The following GPATCH2 variants were observed in gnomAD, a reference collection of about 807,000 sequenced individuals.
GPATCH2 encodes G-patch domain containing 2, also known as G patch domain-containing protein 2.
GPATCH2 carries 51 observed loss-of-function variants against 58.0 expected under a neutral mutation model. The ratio of observed to expected loss-of-function variants is 0.88; its 90% confidence interval spans 0.70 to 1.11. The LOEUF is 1.11. Among genes scored for constraint, GPATCH2 ranks in the 50% most tolerant of loss-of-function variants. The pLI, the probability that GPATCH2 is intolerant of heterozygous loss-of-function variation, is 0.00. For synonymous variants in GPATCH2, 222 were observed against 218.5 expected (o/e 1.02, Z -0.14); for missense variants, 625 against 652.2 (o/e 0.96, Z 0.45).
intron 6 of GPATCH2, among the ~76,000 whole-genome samples, chr1:217,503,249 G>T (rs1662390645): frequency 6.6e-6 from 1 of 152,078 alleles, no homozygotes; most frequent in South Asian, 2.1e-4. Flanking sequence ...AACTGGAGGG[G>T]CCACTGGTGA....
At chr1:217,621,888 G>C (rs779128001) in intron 1 of GPATCH2, among the ~76,000 whole-genome samples, 30 of 152,322 alleles carry the variant, frequency 2.0e-4, no homozygotes, top group Non-Finnish European at 3.8e-4. Context: ...TCATTTCTAA[G>C]TGTTTTACAT....
chr1:217,576,566 T>C (rs1666813285), intron 5 of GPATCH2, among the ~76,000 whole-genome samples: 1 of 152,150 alleles, frequency 6.6e-6, no homozygotes, highest in Non-Finnish European at 1.5e-5. Context: ...TATCACCCTT[T>C]GAACTAAATG....
intron 5 of GPATCH2, among the ~76,000 whole-genome samples, chr1:217,535,390 T>A (rs1664410323): frequency 6.6e-6 from 1 of 152,022 alleles, no homozygotes; most frequent in Non-Finnish European, 1.5e-5. Context: ...TTATTATGAT[T>A]TTTTTTTGGA....
chr1:217,523,321 C>G (rs1365129818), intron 5 of GPATCH2, among the ~76,000 whole-genome samples: 1 of 151,628 alleles, frequency 6.6e-6, no homozygotes, highest in African/African-American at 2.4e-5. Context: ...GACCCTGCAG[C>G]CTTCCGCAGT....
intron 5 of GPATCH2, among the ~76,000 whole-genome samples, chr1:217,597,223 C>A (rs911400094): frequency 4.0e-5 from 6 of 151,818 alleles, no homozygotes; most frequent in African/African-American, 1.5e-4. Flanking sequence ...GTACTAGCTA[C>A]TCAGGAGGCT....
chr1:217,582,717 A>G (rs1667130739), intron 5 of GPATCH2, among the ~76,000 whole-genome samples: 1 of 152,244 alleles, frequency 6.6e-6, no homozygotes, highest in South Asian at 2.1e-4. Flanking sequence ...AGAAGGTGAC[A>G]GGTATATAAA....
intron 5 of GPATCH2, among the ~76,000 whole-genome samples, chr1:217,545,499 A>G (rs1294646225): frequency 1.3e-5 from 2 of 152,240 alleles, no homozygotes; most frequent in Admixed American, 1.3e-4. Flanking sequence ...GGGAAAATAA[A>G]AGGAAAGGAT....
intron 9 of GPATCH2, among the ~76,000 whole-genome samples, chr1:217,447,706 T>C (rs562998692): frequency 6.6e-6 from 1 of 152,232 alleles, no homozygotes; most frequent in East Asian, 1.9e-4. Flanking sequence ...AATTTTATAA[T>C]CTAGTCCCTT....
chr1:217,571,712 AAAAAAAAAC>A (rs897070876), intron 5 of GPATCH2, among the ~76,000 whole-genome samples: 18 of 148,570 alleles, frequency 1.2e-4, no homozygotes, highest in East Asian at 1.2e-3. Context: ...CCAAAAAAAA[AAAAAAAAAC>A]AAAAAAGAAG....
At chr1:217,501,369 C>T (rs1400509667) in intron 6 of GPATCH2, among the ~76,000 whole-genome samples, 1 of 151,986 alleles carries the variant, frequency 6.6e-6, no homozygotes, top group Non-Finnish European at 1.5e-5. Flanking sequence ...GAGTTATATC[C>T]AATTTTGGGC....
intron 5 of GPATCH2, among the ~76,000 whole-genome samples, chr1:217,539,826 A>T (rs1001341896): frequency 6.6e-5 from 10 of 152,194 alleles, no homozygotes; most frequent in African/African-American, 2.4e-4. Context: ...ATAGGAAACA[A>T]TGGCAATAGA....
intron 5 of GPATCH2, among the ~76,000 whole-genome samples, chr1:217,516,169 GT>G (rs1301888944): frequency 6.6e-6 from 1 of 150,612 alleles, no homozygotes; most frequent in East Asian, 1.9e-4. Flanking sequence ...GAATCTATCA[GT>G]CACAAATGAC....
intron 5 of GPATCH2, among the ~76,000 whole-genome samples, chr1:217,564,847 G>C (rs922279392): frequency 5.2e-4 from 79 of 152,206 alleles, no homozygotes; most frequent in African/African-American, 1.9e-3. Flanking sequence ...AAAACGTGCT[G>C]CTGGCTCTAA....
At chr1:217,565,767 T>G (rs1057191282) in intron 5 of GPATCH2, among the ~76,000 whole-genome samples, 2 of 152,040 alleles carry the variant, frequency 1.3e-5, no homozygotes, top group African/African-American at 4.8e-5. Context: ...AAAAAAAAGT[T>G]CTATGCTTTT....
Position 217,431,182 on chromosome 1 carries a change from G to C in GPATCH2, c.1550C>G (p.Ser517Cys). 3 of 1,598,742 alleles carry C rather than the reference G, an allele frequency of 1.9e-6. No homozygotes were observed. The highest frequency in any genetic ancestry group is 2.2e-5 in the East Asian group (1 of 44,812). The change falls in exon 10 of 10, where the codon TCC becomes TGC. Residue 517 changes from serine (S) to cysteine (C), a missense_variant. Physicochemically the swap from Ser to Cys is moderately radical, Grantham distance 112. Transcript: ENST00000366935. ...GLGFPLPKST[S>C]ATTTPNAGKS... ...TCCTGCATTGGGGGTAGTAGTTGCG[G>C]AAGTACTTTTTGGTAGAGGAAATCC...
intron 5 of GPATCH2, among the ~76,000 whole-genome samples, chr1:217,584,247 T>C (rs1667215436): frequency 6.7e-6 from 1 of 149,964 alleles, no homozygotes; most frequent in Non-Finnish European, 1.5e-5. Context: ...CCTGTAATAC[T>C]AGTGGGAGGC....
intron 9 of GPATCH2, among the ~76,000 whole-genome samples, chr1:217,442,080 T>C (rs1659169857): frequency 6.6e-6 from 1 of 152,136 alleles, no homozygotes; most frequent in South Asian, 2.1e-4. Flanking sequence ...TAGCAAAGAC[T>C]TGGAACCAAC....
chr1:217,583,796 A>C (rs562083763), intron 5 of GPATCH2, among the ~76,000 whole-genome samples: 5 of 152,184 alleles, frequency 3.3e-5, no homozygotes, highest in African/African-American at 1.2e-4. Flanking sequence ...CTAGGGAATA[A>C]AAATAAAATA....
chr1:217,609,677 T>C, intron 5 of GPATCH2: 1 of 971,682 alleles, frequency 1.0e-6, no homozygotes, highest in South Asian at 4.8e-5. Context: ...ATATTTTAAA[T>C]AATGCTGGTT....
Sources: gnomAD v4.1 joint callset for allele counts (sites outside exome capture counted in the v4.1 genomes callset) on GRCh38, gnomAD v4.1.1 for gene constraint, MANE v1.5 for transcripts, NCBI Gene and HGNC (gene_info 2026-07-23, HGNC 2026-07-21) for gene names.